The following ATG16L1 variants were observed in gnomAD, a reference collection of about 807,000 sequenced individuals.
The protein encoded by ATG16L1 is autophagy related 16 like 1.
Under a neutral mutation model 88.5 loss-of-function variants are expected in ATG16L1, and 37 were observed. That is an observed-to-expected ratio of 0.42 (90% CI 0.32 to 0.55). ATG16L1 has a LOEUF of 0.55. ATG16L1 is among the 20% of genes least tolerant of loss of function. ATG16L1 has a pLI of 0.13. For synonymous variants in ATG16L1, 301 were observed against 281.0 expected (o/e 1.07, Z -0.71); for missense variants, 554 against 752.8 (o/e 0.74, Z 3.09).
At chr2:233,292,327 C>G (rs1323123765) in intron 15 of ATG16L1, 50 bp downstream of exon 15, 2 of 1,610,284 alleles carry the variant, frequency 1.2e-6, no homozygotes, top group African/African-American at 2.8e-5. Flanking sequence ...CAGCCCTGCT[C>G]TCTTAACGTG....
At chr2:233,275,056 A>C (rs1698253921) in intron 9 of ATG16L1, among the ~76,000 whole-genome samples, 1 of 152,250 alleles carries the variant, frequency 6.6e-6, no homozygotes, top group Non-Finnish European at 1.5e-5. Context: ...GGGATTGTGA[A>C]AAATGGGAGA....
intron 1 of ATG16L1, among the ~76,000 whole-genome samples, chr2:233,252,507 C>G (rs1471168271): frequency 6.6e-6 from 1 of 152,012 alleles, no homozygotes; most frequent in Non-Finnish European, 1.5e-5. Flanking sequence ...CTAAGCCTCC[C>G]GAGTAGCTGG....
intron 12 of ATG16L1, among the ~76,000 whole-genome samples, chr2:233,289,394 T>TGTGTGTGTGTGTGTGC (rs1699300901): frequency 6.8e-6 from 1 of 146,738 alleles, no homozygotes; most frequent in South Asian, 2.2e-4. Flanking sequence ...TGTGTGTGTG[T>TGTGTGTGTGTGTGTGC]GTGTGTGTGT....
At chr2:233,253,298 C>T (rs1040037375) in intron 1 of ATG16L1, among the ~76,000 whole-genome samples, 2 of 141,898 alleles carry the variant, frequency 1.4e-5, no homozygotes, top group South Asian at 2.3e-4. Context: ...TAGGTAACTT[C>T]TGAGGTTGCA....
chr2:233,275,498 G>A (rs1197579779), intron 9 of ATG16L1: 2 of 349,464 alleles, frequency 5.7e-6, no homozygotes, highest in Non-Finnish European at 1.1e-5. Context: ...TTCAAAGCAG[G>A]GAAGATTTTG....
intron 9 of ATG16L1, among the ~76,000 whole-genome samples, chr2:233,276,521 C>T (rs754030621): frequency 3.9e-5 from 6 of 152,166 alleles, no homozygotes; most frequent in South Asian, 2.1e-4. Flanking sequence ...GTTATCCAGG[C>T]GGGAGTACAG....
rs757050988 is a variant in ATG16L1, at chr2:233,275,886, T to G, written c.954+1108T>G. ...ATTTGGGATTCTGTCAGTGTGTGTT[T>G]CTGAGAGTGATCGGCTCACAGCTGA... is the stretch of plus-strand genomic sequence containing the variant. On this transcript the variant is annotated intron_variant, in intron 9 of 17. Coordinates refer to ENST00000392017, the MANE Select transcript of ATG16L1 (RefSeq NM_030803.7). 3.1e-5 allele frequency: 16 copies of G among 519,132 alleles called. No homozygotes were observed. The East Asian group carries it at 8.7e-4, about 28-fold the overall frequency. The allele number at this position is 519,132 out of a possible 1,614,324, so 32.2% of individuals were successfully genotyped here. A position where few individuals can be genotyped will look rare whatever the true frequency, so the allele number is the denominator to read the frequency against.
At chr2:233,254,087 C>T (rs1180280832) in intron 1 of ATG16L1, among the ~76,000 whole-genome samples, 1 of 152,198 alleles carries the variant, frequency 6.6e-6, no homozygotes, top group Non-Finnish European at 1.5e-5. Context: ...TCAAAGCCAT[C>T]TGTATAATAG....
At chr2:233,292,457 C>G in intron 16 of ATG16L1, 23 bp downstream of exon 16, 1 of 1,612,110 alleles carries the variant, frequency 6.2e-7, no homozygotes, top group Non-Finnish European at 8.5e-7. Context: ...CCACCCCCCG[C>G]CAATTTGGTT....
intron 7 of ATG16L1, chr2:233,273,519 T>C (rs1698130427): frequency 3.6e-6 from 2 of 559,406 alleles, no homozygotes; most frequent in East Asian, 2.9e-5. Flanking sequence ...CCTTGTTTCT[T>C]TTGAAACTTC....
intron 14 of ATG16L1, among the ~76,000 whole-genome samples, chr2:233,291,588 C>CTGG (rs1207166926): frequency 1.3e-5 from 2 of 152,138 alleles, no homozygotes; most frequent in African/African-American, 4.8e-5. Context: ...GGCTGTTAGC[C>CTGG]ACCCTGGACA....
intron 10 of ATG16L1, among the ~76,000 whole-genome samples, chr2:233,279,574 C>G (rs1442120127): frequency 6.6e-6 from 1 of 152,194 alleles, no homozygotes; most frequent in Non-Finnish European, 1.5e-5. Context: ...TTTACTGAAT[C>G]TTGGAAGAGG....
At chr2:233,269,875 C>T (rs1325313018) in intron 5 of ATG16L1, 127 bp from the exon 6 acceptor site, 4 of 835,968 alleles carry the variant, frequency 4.8e-6, no homozygotes, top group Non-Finnish European at 5.3e-6. Flanking sequence ...GAGTATTTTG[C>T]TCAGGGTAGT....
intron 6 of ATG16L1, 124 bp downstream of exon 6, chr2:233,270,191 G>A (rs1697898120): frequency 1.4e-6 from 1 of 700,042 alleles, no homozygotes; most frequent in Non-Finnish European, 2.2e-6. Context: ...TGCCCAGGCT[G>A]GAGTGCAGTG....
chr2:233,278,105 A>G (rs1698494277), intron 10 of ATG16L1, among the ~76,000 whole-genome samples: 3 of 152,244 alleles, frequency 2.0e-5, no homozygotes, highest in Admixed American at 6.5e-5. Context: ...GCCTAGGGAA[A>G]AAATGACTGG....
chr2:233,258,669 T>C (rs534226027), intron 2 of ATG16L1, among the ~76,000 whole-genome samples: 1 of 152,214 alleles, frequency 6.6e-6, no homozygotes, highest in Non-Finnish European at 1.5e-5. Context: ...GTGCTTGGAA[T>C]ATGCAGCCGT....
At chr2:233,258,163 T>C (rs1461943832) in intron 2 of ATG16L1, among the ~76,000 whole-genome samples, 1 of 152,208 alleles carries the variant, frequency 6.6e-6, no homozygotes, top group Non-Finnish European at 1.5e-5. Flanking sequence ...TGAAGTCTTA[T>C]TATCCTCTTC....
intron 9 of ATG16L1, among the ~76,000 whole-genome samples, chr2:233,276,313 C>T (rs1698368446): frequency 6.6e-6 from 1 of 152,116 alleles, no homozygotes; most frequent in South Asian, 2.1e-4. Context: ...CTTTCTTTTC[C>T]TTCTCTATTA....
At chr2:233,281,839 G>A (rs1698738568) in intron 11 of ATG16L1, among the ~76,000 whole-genome samples, 3 of 152,134 alleles carry the variant, frequency 2.0e-5, no homozygotes, top group Admixed American at 2.0e-4. Flanking sequence ...ATTCCTGGGT[G>A]GGCTGAGTGT....
Sources: allele counts gnomAD v4.1 joint callset (sites outside exome capture counted in the v4.1 genomes callset), GRCh38; gene constraint gnomAD v4.1.1; transcripts MANE v1.5; gene names NCBI Gene and HGNC (gene_info 2026-07-23, HGNC 2026-07-21).